DPP10: variants seen among roughly 807,000 people sequenced by gnomAD.
DPP10 encodes dipeptidyl peptidase like 10.
DPP10 carries 33 observed loss-of-function variants against 120.9 expected under a neutral mutation model. The ratio of observed to expected loss-of-function variants is 0.27; its 90% CI spans 0.21 to 0.37. DPP10 has a LOEUF of 0.37. Among genes scored for constraint, DPP10 ranks in the 10% least tolerant of loss-of-function variants. The pLI is 1.00. For synonymous variants in DPP10, 337 were observed against 326.1 expected, an observed-to-expected ratio of 1.03 and a Z score of -0.36; for missense variants, 816 against 942.8, an observed-to-expected ratio of 0.87 and a Z score of 1.76.
chr2:114,596,911 A>G (rs1006962045), intron 1 of DPP10, among the ~76,000 whole-genome samples: 18 of 152,172 alleles, frequency 1.2e-4, no homozygotes, highest in African/African-American at 4.3e-4. Context: ...CTTATTGAGC[A>G]CTTGTTATAT....
At chr2:115,152,596 A>G (rs1413237734) in intron 1 of DPP10, among the ~76,000 whole-genome samples, 2 of 152,112 alleles carry the variant, frequency 1.3e-5, no homozygotes, top group Non-Finnish European at 2.9e-5. Context: ...TAGATTTCTT[A>G]TATCTGTTTA....
At chr2:115,520,295 G>A (rs967930717) in intron 4 of DPP10, among the ~76,000 whole-genome samples, 36 of 152,296 alleles carry the variant, frequency 2.4e-4, no homozygotes, top group African/African-American at 8.4e-4. Flanking sequence ...TCCAGCCCGG[G>A]TGACAGTGCG....
chr2:114,508,183 C>T (rs766676330), intron 1 of DPP10, among the ~76,000 whole-genome samples: 3 of 152,048 alleles, frequency 2.0e-5, no homozygotes, highest in African/African-American at 7.3e-5. Context: ...GTCAAGTAAA[C>T]GTCCTTACAC....
intron 3 of DPP10, among the ~76,000 whole-genome samples, chr2:115,452,529 C>T (rs992682210): frequency 2.0e-5 from 3 of 151,854 alleles, no homozygotes; most frequent in Non-Finnish European, 2.9e-5. Flanking sequence ...ACTGTATTCT[C>T]CTGTATTCTG....
At chr2:115,029,313 G>T (rs1161540820) in intron 1 of DPP10, among the ~76,000 whole-genome samples, 1 of 151,912 alleles carries the variant, frequency 6.6e-6, no homozygotes, top group East Asian at 1.9e-4. Context: ...GTTTTCGATA[G>T]ATTAGTTTTT....
chr2:114,503,430 T>A (rs368408515), intron 1 of DPP10, among the ~76,000 whole-genome samples: 8 of 152,324 alleles, frequency 5.3e-5, no homozygotes, highest in African/African-American at 1.7e-4. Context: ...TCATTTCTTT[T>A]AAAAGGTTGA....
At chr2:115,470,986 G>A (rs1488476658) in intron 3 of DPP10, among the ~76,000 whole-genome samples, 5 of 152,094 alleles carry the variant, frequency 3.3e-5, no homozygotes, top group Non-Finnish European at 7.4e-5. Context: ...TTGCCTTGGA[G>A]TATGTCTCTC....
At chr2:115,492,651 A>G (rs770650759) in intron 3 of DPP10, among the ~76,000 whole-genome samples, 1 of 152,186 alleles carries the variant, frequency 6.6e-6, no homozygotes, top group Non-Finnish European at 1.5e-5. Flanking sequence ...TATTAAAGTC[A>G]TATCAATGCA....
At chr2:115,020,769 C>A (rs1703015004) in intron 1 of DPP10, among the ~76,000 whole-genome samples, 2 of 152,088 alleles carry the variant, frequency 1.3e-5, no homozygotes, top group African/African-American at 2.4e-5. Context: ...TATGATAGAC[C>A]ACAAAGCAAG....
chr2:115,587,167 G>A (rs1295866461), intron 5 of DPP10, among the ~76,000 whole-genome samples: 7 of 124,202 alleles, frequency 5.6e-5, no homozygotes, highest in Non-Finnish European at 9.4e-5. Flanking sequence ...GCACGATCTT[G>A]GCTCACTGCA....
chr2:114,543,903 T>C (rs1378505373), intron 1 of DPP10, among the ~76,000 whole-genome samples: 5 of 152,080 alleles, frequency 3.3e-5, no homozygotes, highest in African/African-American at 1.2e-4. Flanking sequence ...TGGTTGTTTT[T>C]GTTTGTTTGT....
At chr2:115,478,782 C>T (rs915814702) in intron 3 of DPP10, among the ~76,000 whole-genome samples, 8 of 151,770 alleles carry the variant, frequency 5.3e-5, no homozygotes, top group Non-Finnish European at 8.8e-5. Context: ...TGCAAATATC[C>T]AATAATCATG....
intron 3 of DPP10, among the ~76,000 whole-genome samples, chr2:115,374,609 T>A (rs891744803): frequency 1.3e-5 from 2 of 152,210 alleles, no homozygotes; most frequent in African/African-American, 4.8e-5. Context: ...GGAGAGGTTT[T>A]CCATGAGGGC....
intron 1 of DPP10, among the ~76,000 whole-genome samples, chr2:115,279,413 C>G (rs1314687789): frequency 6.6e-6 from 1 of 151,984 alleles, no homozygotes; most frequent in Admixed American, 6.6e-5. Flanking sequence ...ACTCAAAATG[C>G]CTAGCATGAA....
intron 2 of DPP10, among the ~76,000 whole-genome samples, chr2:115,339,673 C>T (rs1182350399): frequency 1.3e-5 from 2 of 152,164 alleles, no homozygotes; most frequent in East Asian, 3.9e-4. Flanking sequence ...GAATGGATCT[C>T]AAGGGAATTA....
At chr2:115,712,652 A>T (rs2149578400) in intron 7 of DPP10, among the ~76,000 whole-genome samples, 1 of 147,388 alleles carries the variant, frequency 6.8e-6, no homozygotes, top group African/African-American at 2.5e-5. Flanking sequence ...TCTGTAAAGA[A>T]TCATATAGTA....
intron 1 of DPP10, among the ~76,000 whole-genome samples, chr2:115,127,440 C>T (rs921121669): frequency 6.6e-6 from 1 of 152,164 alleles, no homozygotes; most frequent in African/African-American, 2.4e-5. Flanking sequence ...AGTTCAGCCC[C>T]AACCCCACCT....
At position 115,676,141 on chromosome 2, in the gene DPP10, T is replaced by A. The variant is rs576734981; in HGVS notation, c.442-13546T>A. Among the ~76,000 whole-genome samples, 26 of 152,332 alleles carry A rather than the reference T, an allele frequency of 1.7e-4. 1 individual carries two copies. The South Asian group carries it at 5.2e-3, about 30-fold the overall frequency. ...ATTACATTTACTCCAGCAGCAGAGA[T>A]GCCATGAACTTGTGCATTTACTTGA... is the stretch of plus-strand genomic sequence containing the variant. On this transcript the variant is annotated intron_variant, in intron 5 of 25. Coordinates refer to ENST00000410059, the MANE Select transcript of DPP10 (RefSeq NM_020868.6).
intron 3 of DPP10, among the ~76,000 whole-genome samples, chr2:115,402,563 A>G (rs1490786814): frequency 6.6e-6 from 1 of 151,810 alleles, no homozygotes; most frequent in Admixed American, 6.6e-5. Context: ...ATTCCTAGAC[A>G]CATGAAAGCT....
Sources: allele counts gnomAD v4.1 joint callset (sites outside exome capture counted in the v4.1 genomes callset), GRCh38; gene constraint gnomAD v4.1.1; transcripts MANE v1.5; gene names NCBI Gene and HGNC (gene_info 2026-07-23, HGNC 2026-07-21).